The following BNC2 variants were observed in gnomAD, a reference collection of about 807,000 sequenced individuals.
BNC2 encodes the protein basonuclin zinc finger protein 2.
A neutral mutation model predicts 76.3 loss-of-function variants in BNC2; 20 were observed. The ratio of observed to expected loss-of-function variants is 0.26; its 90% CI spans 0.18 to 0.38. The LOEUF is 0.38. Ranked by LOEUF, BNC2 falls within the 10% of genes least tolerant of loss-of-function variation. The pLI is 1.00. For synonymous variants in BNC2, 582 were observed against 514.8 expected (o/e 1.13, Z -1.77); for missense variants, 1,382 against 1,399.8 (o/e 0.99, Z 0.20).
intron 2 of BNC2, among the ~76,000 whole-genome samples, chr9:16,729,541 T>G (rs1374165192): frequency 6.7e-6 from 1 of 150,098 alleles, no homozygotes; most frequent in Non-Finnish European, 1.5e-5. Flanking sequence ...AGCTTTTCTG[T>G]TAAACTTCCC....
chr9:16,726,091 T>A (rs1234468011), intron 3 of BNC2, among the ~76,000 whole-genome samples: 1 of 152,090 alleles, frequency 6.6e-6, no homozygotes, highest in Non-Finnish European at 1.5e-5. Flanking sequence ...TATTTGGTAC[T>A]AAGGTTAGCG....
intron 5 of BNC2, among the ~76,000 whole-genome samples, chr9:16,531,509 G>A (rs147169195): frequency 6.6e-6 from 1 of 151,522 alleles, no homozygotes; most frequent in Admixed American, 6.6e-5. Context: ...GTTTGTTAAC[G>A]TGCAAGTATA....
At chr9:16,761,829 C>T (rs140441049) in intron 1 of BNC2, among the ~76,000 whole-genome samples, 1 of 152,114 alleles carries the variant, frequency 6.6e-6, no homozygotes, top group Non-Finnish European at 1.5e-5. Flanking sequence ...ACTACAAAGG[C>T]CCATGTTTGA....
chr9:16,828,030 A>C (rs1007872538), intron 1 of BNC2, among the ~76,000 whole-genome samples: 1 of 152,206 alleles, frequency 6.6e-6, no homozygotes, highest in Non-Finnish European at 1.5e-5. Context: ...ACACTAAATG[A>C]TCTCAGGTCT....
chr9:16,809,424 G>T (rs551993294), intron 1 of BNC2, among the ~76,000 whole-genome samples: 21 of 152,122 alleles, frequency 1.4e-4, no homozygotes, highest in Admixed American at 6.5e-4. Context: ...TAAGAGCCCT[G>T]GGATGAGGAG....
At chr9:16,779,130 A>AAAAAAAAAAAG (rs556932807) in intron 1 of BNC2, among the ~76,000 whole-genome samples, 24 of 87,590 alleles carry the variant, frequency 2.7e-4, no homozygotes, top group African/African-American at 4.5e-4. Context: ...AAAAAAAAAA[A>AAAAAAAAAAAG]AAAAGAAAAG....
chr9:16,579,704 T>C (rs182161375), intron 4 of BNC2: 1 of 160,356 alleles, frequency 6.2e-6, no homozygotes, highest in African/African-American at 2.4e-5. Context: ...TGTTTCTGTG[T>C]GTGTACATAT....
intron 5 of BNC2, among the ~76,000 whole-genome samples, chr9:16,545,141 T>G (rs893545426): frequency 1.3e-5 from 2 of 152,304 alleles, no homozygotes; most frequent in Middle Eastern, 3.4e-3. Context: ...TATATACGTG[T>G]GTATGTGTAT....
intron 5 of BNC2, among the ~76,000 whole-genome samples, chr9:16,492,242 C>T (rs1384222066): frequency 6.6e-6 from 1 of 151,962 alleles, no homozygotes; most frequent in African/African-American, 2.4e-5. Context: ...TACACTCAAC[C>T]TATTCATGTC....
intron 3 of BNC2, among the ~76,000 whole-genome samples, chr9:16,650,317 G>A (rs954826783): frequency 2.6e-5 from 4 of 152,174 alleles, no homozygotes; most frequent in African/African-American, 9.7e-5. Flanking sequence ...AATTGAAAGT[G>A]CATTGTGTCT....
At chr9:16,653,052 T>C (rs1280639504) in intron 3 of BNC2, among the ~76,000 whole-genome samples, 2 of 152,150 alleles carry the variant, frequency 1.3e-5, no homozygotes, top group Non-Finnish European at 2.9e-5. Flanking sequence ...GATCTCCAAA[T>C]TACAAACTAG....
intron 2 of BNC2, among the ~76,000 whole-genome samples, chr9:16,729,411 G>A (rs1824442911): frequency 6.6e-6 from 1 of 152,092 alleles, no homozygotes; most frequent in African/African-American, 2.4e-5. Context: ...AACAACAAAA[G>A]AAACAGAAAA....
chr9:16,771,306 C>T (rs1825825632), intron 1 of BNC2, among the ~76,000 whole-genome samples: 4 of 152,188 alleles, frequency 2.6e-5, no homozygotes, highest in Admixed American at 2.0e-4. Flanking sequence ...GCTTACAACC[C>T]TCTATACTTA....
chr9:16,620,513 A>G (rs1315315813), intron 3 of BNC2, among the ~76,000 whole-genome samples: 1 of 152,192 alleles, frequency 6.6e-6, no homozygotes, highest in Admixed American at 6.5e-5. Context: ...AAAATTTCAG[A>G]CAACCCAAAT....
rs560150744 is a variant in BNC2 at position 16,439,839 on chromosome 9, A to G, written c.670-2315T>C. Among the ~76,000 whole-genome samples, 19 of 152,322 alleles carry G rather than the reference A, an allele frequency of 1.2e-4. No homozygotes were observed. In the South Asian group the frequency reaches 3.9e-3, roughly 32 times the overall value. ...TGCATGTGGGTGTCCATTCCTATGA[A>G]AACTGTCAAACACAGATGTCCCTCC... On this transcript the variant is annotated intron_variant, in intron 5 of 6. Coordinates refer to ENST00000380672, the MANE Select transcript of BNC2 (RefSeq NM_017637.6).
chr9:16,426,934 T>A (rs1376632507), intron 6 of BNC2, among the ~76,000 whole-genome samples: 1 of 152,212 alleles, frequency 6.6e-6, no homozygotes, highest in Non-Finnish European at 1.5e-5. Context: ...TATCACCATA[T>A]AGCACTGAAC....
intron 4 of BNC2, among the ~76,000 whole-genome samples, chr9:16,563,424 G>C (rs1200000054): frequency 6.6e-6 from 1 of 151,752 alleles, no homozygotes; most frequent in East Asian, 1.9e-4. Context: ...TTCGAGACCA[G>C]CCTGGCCAAC....
At chr9:16,682,949 A>C (rs1162207499) in intron 3 of BNC2, among the ~76,000 whole-genome samples, 1 of 152,254 alleles carries the variant, frequency 6.6e-6, no homozygotes, top group Admixed American at 6.5e-5. Flanking sequence ...AGATGATTGC[A>C]TAAGAGTGGG....
chr9:16,495,375 G>A (rs970642047), intron 5 of BNC2, among the ~76,000 whole-genome samples: 1 of 152,104 alleles, frequency 6.6e-6, no homozygotes, highest in African/African-American at 2.4e-5. Flanking sequence ...GAGGATTTGG[G>A]GCTCAAAGGC....
Sources: gnomAD v4.1 joint callset for allele counts (sites outside exome capture counted in the v4.1 genomes callset) on GRCh38, gnomAD v4.1.1 for gene constraint, MANE v1.5 for transcripts, NCBI Gene and HGNC (gene_info 2026-07-23, HGNC 2026-07-21) for gene names.